The following DMD variants were observed in gnomAD, a reference collection of about 807,000 sequenced individuals.
The protein encoded by DMD is dystrophin, also known as mutant dystrophin.
Under a neutral mutation model 330.1 loss-of-function variants are expected in DMD, and 63 were observed. The observed-to-expected ratio is 0.19, with a 90% CI of 0.16 to 0.24. The LOEUF is 0.24. Among genes scored for constraint, DMD ranks in the 10% least tolerant of loss-of-function variants. DMD has a pLI of 1.00. For synonymous variants in DMD, 1,223 were observed against 959.8 expected, an observed-to-expected ratio of 1.27 and a Z score of -5.07; for missense variants, 3,344 against 2,684.1, an observed-to-expected ratio of 1.25 and a Z score of -5.43.
chrX:32,458,263 G>C (rs1292918580), intron 25 of DMD, among the ~76,000 whole-genome samples: 1 of 110,903 alleles, frequency 9.0e-6, no homozygotes, highest in Non-Finnish European at 1.9e-5. Flanking sequence ...GTATTTGACC[G>C]CGTGTGTCTG....
At chrX:32,942,335 G>C (rs1351100863) in intron 2 of DMD, among the ~76,000 whole-genome samples, 1 of 111,958 alleles carries the variant, frequency 8.9e-6, no homozygotes, top group Non-Finnish European at 1.9e-5. Flanking sequence ...CTGAGGTCAG[G>C]AGTTTGAGAC....
intron 44 of DMD, among the ~76,000 whole-genome samples, chrX:32,103,981 A>G (rs1415657784): frequency 1.8e-5 from 2 of 111,608 alleles, no homozygotes; most frequent in Admixed American, 1.9e-4. Context: ...TTGTGTTTTC[A>G]TCATTGGACA....
At chrX:32,746,009 G>T (rs190925621) in intron 7 of DMD, among the ~76,000 whole-genome samples, 4 of 111,711 alleles carry the variant, frequency 3.6e-5, no homozygotes, top group African/African-American at 1.3e-4. Context: ...ACATCTTTGT[G>T]GAAGTAACTA....
chrX:33,254,904 A>T (rs1267456498), intron 1 of DMD, among the ~76,000 whole-genome samples: 2 of 110,936 alleles, frequency 1.8e-5, no homozygotes, highest in Non-Finnish European at 3.8e-5. Context: ...TGATTTTAAG[A>T]AATAGTTTGA....
chrX:33,144,437 T>C (rs1487595560), intron 1 of DMD, among the ~76,000 whole-genome samples: 1 of 111,938 alleles, frequency 8.9e-6, no homozygotes, highest in African/African-American at 3.2e-5. Context: ...ACTTGGAATG[T>C]TCCCAACACA....
chrX:33,199,112 C>A (rs1389940926), intron 1 of DMD, among the ~76,000 whole-genome samples: 1 of 110,921 alleles, frequency 9.0e-6, no homozygotes, highest in Non-Finnish European at 1.9e-5. Context: ...TTCCTAGCAA[C>A]CAAGAGAAAC....
chrX:31,568,336 A>G (rs1378530028), intron 55 of DMD, among the ~76,000 whole-genome samples: 1 of 111,445 alleles, frequency 9.0e-6, no homozygotes, highest in Non-Finnish European at 1.9e-5. Flanking sequence ...TAGTAGTTCT[A>G]TCAACTGAAG....
intron 76 of DMD, among the ~76,000 whole-genome samples, chrX:31,139,853 TGA>T (rs2035821902): frequency 9.0e-6 from 1 of 111,714 alleles, no homozygotes; most frequent in Non-Finnish European, 1.9e-5. Flanking sequence ...TGAAAACTAC[TGA>T]AATAATAAAA....
chrX:33,190,856 TATA>T (rs2050502039), intron 1 of DMD, among the ~76,000 whole-genome samples: 3 of 9,719 alleles, frequency 3.1e-4, no homozygotes, highest in African/African-American at 5.0e-4. Context: ...ATATATAATA[TATA>T]ATATTATATA....
intron 1 of DMD, among the ~76,000 whole-genome samples, chrX:33,300,549 C>A (rs2053647203): frequency 9.0e-6 from 1 of 111,651 alleles, no homozygotes. Context: ...ATGTTGAATT[C>A]TAATCACCAA....
chrX:32,097,530 T>C (rs1448874522), intron 44 of DMD, among the ~76,000 whole-genome samples: 3 of 111,742 alleles, frequency 2.7e-5, no homozygotes, highest in Non-Finnish European at 3.8e-5. Flanking sequence ...TAAACATATA[T>C]AAAGATCACT....
intron 60 of DMD, among the ~76,000 whole-genome samples, chrX:31,431,660 G>C (rs1200025477): frequency 8.9e-6 from 1 of 111,902 alleles, no homozygotes; most frequent in Non-Finnish European, 1.9e-5. Context: ...GCCTCCCAAA[G>C]TGCTGGGATT....
intron 12 of DMD, among the ~76,000 whole-genome samples, chrX:32,612,728 C>T (rs932838783): frequency 3.6e-5 from 4 of 111,192 alleles, no homozygotes; most frequent in Non-Finnish European, 5.7e-5. Flanking sequence ...ATCTATATGA[C>T]AAGTAATCAC....
At chrX:32,252,971 T>C (rs1048773800) in intron 43 of DMD, among the ~76,000 whole-genome samples, 1 of 89,991 alleles carries the variant, frequency 1.1e-5, no homozygotes, top group Non-Finnish European at 2.1e-5. Context: ...TATATGTTTG[T>C]GTGTGTATAT....
intron 2 of DMD, among the ~76,000 whole-genome samples, chrX:32,861,765 G>A (rs1259982416): frequency 3.6e-5 from 4 of 111,710 alleles, no homozygotes; most frequent in Non-Finnish European, 7.5e-5. Flanking sequence ...GGGCAAAGGA[G>A]CCTGTTGATG....
intron 44 of DMD, among the ~76,000 whole-genome samples, chrX:32,032,808 A>G (rs1010364335): frequency 8.9e-6 from 1 of 111,876 alleles, no homozygotes; most frequent in African/African-American, 3.2e-5. Flanking sequence ...AAAGTCAGTT[A>G]CTGGGTATGG....
At chrX:33,136,074 G>A (rs959418904) in intron 1 of DMD, among the ~76,000 whole-genome samples, 1 of 110,710 alleles carries the variant, frequency 9.0e-6, no homozygotes, top group Non-Finnish European at 1.9e-5. Context: ...CAGCACTTTG[G>A]AAGGCCAAGG....
chrX:32,811,999 T>C (rs1456435775), intron 6 of DMD, among the ~76,000 whole-genome samples: 1 of 111,469 alleles, frequency 9.0e-6, no homozygotes, highest in Non-Finnish European at 1.9e-5. Context: ...TGGTGGGAGA[T>C]AGGTTTAAAA....
At chrX:33,332,559 ACATAG>A (rs1455446388) in intron 1 of DMD, among the ~76,000 whole-genome samples, 1 of 111,254 alleles carries the variant, frequency 9.0e-6, no homozygotes, top group Non-Finnish European at 1.9e-5. Context: ...AAGGACATTT[ACATAG>A]CATAAATATT....
Sources: allele counts gnomAD v4.1 joint callset (sites outside exome capture counted in the v4.1 genomes callset), GRCh38; gene constraint gnomAD v4.1.1; transcripts MANE v1.5; gene names NCBI Gene and HGNC (gene_info 2026-07-23, HGNC 2026-07-21).